RSU1: variants seen among roughly 807,000 people sequenced by gnomAD.
The protein encoded by RSU1 is rsu-1.
RSU1 carries 26 observed loss-of-function variants against 31.1 expected under a neutral mutation model. That is an observed-to-expected ratio of 0.84 (90% confidence interval 0.61 to 1.16). The LOEUF (loss-of-function observed/expected upper bound fraction) is 1.16. Among genes scored for constraint, RSU1 ranks in the 50% most tolerant of loss-of-function variants. The pLI is 0.00. For missense variants in RSU1, 320 were observed against 339.1 expected, an observed-to-expected ratio of 0.94 and a Z score of 0.44; for synonymous variants, 164 against 136.3, an observed-to-expected ratio of 1.20 and a Z score of -1.41.
chr10:16,709,276 G>A (rs1275945049), intron 7 of RSU1, among the ~76,000 whole-genome samples: 1 of 151,934 alleles, frequency 6.6e-6, no homozygotes, highest in Non-Finnish European at 1.5e-5. Context: ...ATAGTTTACT[G>A]AGAATGATGA....
chr10:16,745,619 C>T (rs1035957099), intron 7 of RSU1, among the ~76,000 whole-genome samples: 34 of 148,996 alleles, frequency 2.3e-4, no homozygotes, highest in Admixed American at 2.1e-3. Flanking sequence ...ATCACAAGAA[C>T]GGCACAGGAA....
chr10:16,794,151 G>C (rs1170580556), intron 2 of RSU1, among the ~76,000 whole-genome samples: 1 of 152,134 alleles, frequency 6.6e-6, no homozygotes, highest in Non-Finnish European at 1.5e-5. Context: ...CTTTGGCCTT[G>C]CACTAAATTA....
intron 7 of RSU1, among the ~76,000 whole-genome samples, chr10:16,719,518 A>C (rs1169571482): frequency 6.6e-6 from 1 of 152,160 alleles, no homozygotes; most frequent in African/African-American, 2.4e-5. Flanking sequence ...ACCTCTTCAG[A>C]GACGCCTCCT....
At chr10:16,760,807 C>T (rs1837198335) in intron 4 of RSU1, among the ~76,000 whole-genome samples, 1 of 152,134 alleles carries the variant, frequency 6.6e-6, no homozygotes, top group South Asian at 2.1e-4. Context: ...TCTTATTGGT[C>T]TCCTAACCTC....
At position 16,755,004 on chromosome 10, in the gene RSU1, C is replaced by T. The variant is rs1200224446; in HGVS notation, c.282-15G>A. On this transcript the variant is annotated splice_polypyrimidine_tract_variant and intron_variant, in intron 4 of 8. Coordinates refer to ENST00000345264, the MANE Select transcript of RSU1 (RefSeq NM_012425.4). ...GCCTGTTCATGCTGTTGCAGGGGGACAAAAATCTATGTCATGACACCAAAG... is the reference window on the plus strand; with the variant it reads ...GCCTGTTCATGCTGTTGCAGGGGGATAAAAATCTATGTCATGACACCAAAG... 3.3e-6 allele frequency: 5 copies of T among 1,531,566 alleles called. No individual in the cohort carries two copies. Among genetic ancestry groups the T allele is most frequent in the East Asian group, 2.3e-5 (1 of 44,284 alleles). The allele number at this position is 1,531,566 out of a possible 1,614,324, so 94.9% of individuals were successfully genotyped here. A position where few individuals can be genotyped will look rare whatever the true frequency, so the allele number is the denominator to read the frequency against.
intron 7 of RSU1, among the ~76,000 whole-genome samples, chr10:16,743,623 G>A (rs1232435941): frequency 1.3e-5 from 2 of 152,176 alleles, no homozygotes; most frequent in African/African-American, 2.4e-5. Flanking sequence ...GTCACTTACT[G>A]CTCTATCTAT....
intron 8 of RSU1, among the ~76,000 whole-genome samples, chr10:16,660,902 C>T (rs2131526626): frequency 6.6e-6 from 1 of 152,258 alleles, no homozygotes; most frequent in South Asian, 2.1e-4. Flanking sequence ...CCACTGCAAA[C>T]CTCCCAAAGT....
At chr10:16,630,095 G>A (rs1344106335) in intron 8 of RSU1, among the ~76,000 whole-genome samples, 1 of 151,296 alleles carries the variant, frequency 6.6e-6, no homozygotes, top group Admixed American at 6.6e-5. Flanking sequence ...TTTGAAAGGC[G>A]GCTTCTCACC....
At chr10:16,668,669 A>C (rs1176076596) in intron 8 of RSU1, among the ~76,000 whole-genome samples, 2 of 152,164 alleles carry the variant, frequency 1.3e-5, no homozygotes, top group African/African-American at 4.8e-5. Context: ...CCTCAGATAT[A>C]AATTTCAAGA....
chr10:16,680,544 A>G (rs1355588983), intron 8 of RSU1, among the ~76,000 whole-genome samples: 7 of 152,126 alleles, frequency 4.6e-5, no homozygotes, highest in Admixed American at 4.6e-4. Context: ...GGCCTCAGGA[A>G]GTTTACAAAC....
chr10:16,640,193 T>C (rs573256659), intron 8 of RSU1, among the ~76,000 whole-genome samples: 1 of 152,254 alleles, frequency 6.6e-6, no homozygotes, highest in African/African-American at 2.4e-5. Flanking sequence ...TCTGGTCATT[T>C]AGAATTGCAT....
At chr10:16,654,387 T>C in intron 8 of RSU1, among the ~76,000 whole-genome samples, 1 of 135,200 alleles carries the variant, frequency 7.4e-6, no homozygotes, top group Non-Finnish European at 1.6e-5. Flanking sequence ...AAAAGGAAAT[T>C]GGCCAGGTGT....
At chr10:16,726,994 C>T in intron 7 of RSU1, 1 of 448,162 alleles carries the variant, frequency 2.2e-6, no homozygotes, top group South Asian at 1.6e-5. Context: ...TCAAAAGCAA[C>T]ACTCTGAACT....
At chr10:16,750,180 C>G (rs1486864084) in intron 7 of RSU1, among the ~76,000 whole-genome samples, 1 of 152,080 alleles carries the variant, frequency 6.6e-6, no homozygotes, top group African/African-American at 2.4e-5. Context: ...TAGTAGTATA[C>G]TAATCTTGAC....
intron 6 of RSU1, 64 bp from the exon 7 acceptor site, chr10:16,752,717 C>G (rs1837004342): frequency 2.4e-6 from 3 of 1,246,704 alleles, no homozygotes; most frequent in Admixed American, 3.5e-5. Flanking sequence ...CAGAAACTCT[C>G]ATCCTCTATG....
At chr10:16,673,413 A>C (rs981027796) in intron 8 of RSU1, among the ~76,000 whole-genome samples, 1 of 152,252 alleles carries the variant, frequency 6.6e-6, no homozygotes, top group Non-Finnish European at 1.5e-5. Context: ...TCCACATTTT[A>C]GGAGAAAGAA....
chr10:16,731,883 G>C (rs1414383640), intron 7 of RSU1, among the ~76,000 whole-genome samples: 1 of 151,972 alleles, frequency 6.6e-6, no homozygotes, highest in Non-Finnish European at 1.5e-5. Context: ...GAGTGGTTAA[G>C]ATAAGCCGAT....
At chr10:16,652,970 T>C (rs538451750) in intron 8 of RSU1, among the ~76,000 whole-genome samples, 4 of 152,036 alleles carry the variant, frequency 2.6e-5, no homozygotes, top group Non-Finnish European at 5.9e-5. Context: ...TGAGCCACAA[T>C]GCCTGGCCTA....
In RSU1 at chr10:16,797,523, G is replaced by C. The variant is rs74541103; in HGVS notation, c.110-15439C>G. Among the ~76,000 whole-genome samples, 7 of 152,240 alleles carry C rather than the reference G, an allele frequency of 4.6e-5. No homozygotes were observed. The East Asian group carries it at 1.3e-3, about 29-fold the overall frequency. On this transcript the variant is annotated intron_variant, in intron 2 of 8. Transcript: ENST00000345264. ...AAATATTGGGAGCAAATCCCATAACGTTATTATGGAATAAAAGGAAAAAGA... is the reference window on the plus strand; with the variant it reads ...AAATATTGGGAGCAAATCCCATAACCTTATTATGGAATAAAAGGAAAAAGA...
Sources: allele counts gnomAD v4.1 joint callset (sites outside exome capture counted in the v4.1 genomes callset), GRCh38; gene constraint gnomAD v4.1.1; transcripts MANE v1.5; gene names NCBI Gene and HGNC (gene_info 2026-07-23, HGNC 2026-07-21).